Variants in ABCC12 observed in about 807,000 individuals in gnomAD.
The protein encoded by ABCC12 is ATP binding cassette subfamily C member 12, also known as ATP-binding cassette sub-family C member 12.
A neutral mutation model predicts 151.1 loss-of-function variants in ABCC12; 142 were observed. The ratio of observed to expected loss-of-function variants is 0.94; its 90% CI spans 0.82 to 1.08. The LOEUF is 1.08. ABCC12 is among the 50% of genes least tolerant of loss of function. The pLI is 0.00. For missense variants in ABCC12, 1,638 were observed against 1,691.1 expected (o/e 0.97, Z 0.55); for synonymous variants, 645 against 646.4 (o/e 1.00, Z 0.03).
chr16:48,100,892 C>G lies in ABCC12; in HGVS notation c.3018G>C (p.Lys1006Asn). 1.2e-6 allele frequency: 2 copies of G among 1,614,166 alleles called. No homozygotes were observed. Among genetic ancestry groups the G allele is most frequent in the Non-Finnish European group, 1.7e-6 (2 of 1,179,996 alleles). ...QGLGIIHAYG[K>N]KESCITYHLL... ...CTCACTAGGTGATGCAGCTCTCCTT[C>G]TTGCCATAGGCGTGAATGATGCCCA... The change falls in exon 23 of 31, where the codon AAG (lysine) becomes AAC (asparagine). Residue 1006 changes from lysine (K) to asparagine (N), a missense_variant. Lys to Asn is a moderately conservative substitution (Grantham distance 94, BLOSUM62 0). Transcript: ENST00000311303.
intron 21 of ABCC12, among the ~76,000 whole-genome samples, chr16:48,104,866 G>A (rs1403592410): frequency 6.6e-6 from 1 of 152,236 alleles, no homozygotes; most frequent in Non-Finnish European, 1.5e-5. Context: ...GGAGCAGGAG[G>A]TGCTTGCTTG....
In ABCC12 at chr16:48,088,007, A is replaced by G. The variant is rs772031255; in HGVS notation, c.3554T>C (p.Ile1185Thr). ...GAGGTCTTCCAAGCTGAGAATGCAGATATCCACCTCATCAATAAAGATTGT... is the reference window on the plus strand; with the variant it reads ...GAGGTCTTCCAAGCTGAGAATGCAGGTATCCACCTCATCAATAAAGATTGT... Reference protein sequence around the residue: ...SGTIFIDEVDICILSLEDLRT... With the variant: ...SGTIFIDEVDTCILSLEDLRT... Residue 1185 changes from isoleucine (I) to threonine (T), a missense_variant, in exon 27 of 31, where the codon ATC becomes ACC. Transcript: ENST00000311303. 9.3e-6 allele frequency: 15 copies of G among 1,614,118 alleles called. No individual in the cohort carries two copies. The highest frequency in any genetic ancestry group is 1.2e-5 in the Non-Finnish European group (14 of 1,180,040).
chr16:48,144,312 C>G (rs1048805838), intron 3 of ABCC12, among the ~76,000 whole-genome samples: 1 of 152,186 alleles, frequency 6.6e-6, no homozygotes, highest in African/African-American at 2.4e-5. Context: ...ATTAAATTAC[C>G]TAAGTTTTAA....
chr16:48,095,432 C>G (rs1963063029), intron 24 of ABCC12, among the ~76,000 whole-genome samples: 1 of 152,138 alleles, frequency 6.6e-6, no homozygotes, highest in African/African-American at 2.4e-5. Flanking sequence ...AGAACTAACA[C>G]ACTAATTAAT....
rs913919465 is a variant in ABCC12, at chr16:48,087,126, C to T, written c.3636-307G>A. Reference sequence around the variant, plus strand: ...ACACACCTGGGCCTCTCAGCAGCCCCGAGTAGCAGAGTGGGTTTGAACTGA... The same window carrying T: ...ACACACCTGGGCCTCTCAGCAGCCCTGAGTAGCAGAGTGGGTTTGAACTGA... On this transcript the variant is annotated intron_variant, in intron 27 of 30. Transcript: ENST00000311303. The T allele has an allele frequency of 3.0e-5, 9 of 304,930 alleles. 1 individual carries two copies. Among genetic ancestry groups the T allele is most frequent in the South Asian group, 1.6e-4 (3 of 19,056 alleles). 18.9% of individuals were successfully genotyped at this position (304,930 alleles called of 1,614,324 possible).
chr16:48,108,603 C>A, intron 18 of ABCC12, 74 bp from the exon 19 acceptor site: 1 of 1,122,700 alleles, frequency 8.9e-7, no homozygotes, highest in Non-Finnish European at 1.3e-6. Flanking sequence ...ACGGCCCCTC[C>A]ACAGACTCCA....
At chr16:48,126,199 A>T (rs1359760753) in intron 11 of ABCC12, among the ~76,000 whole-genome samples, 3 of 152,224 alleles carry the variant, frequency 2.0e-5, no homozygotes, top group Non-Finnish European at 4.4e-5. Context: ...GAACCGGGGC[A>T]TTAAAGAGAC....
At chr16:48,150,997 T>C (rs2150686488) in intron 2 of ABCC12, among the ~76,000 whole-genome samples, 1 of 152,266 alleles carries the variant, frequency 6.6e-6, no homozygotes. Context: ...TGTATAGCAG[T>C]ATCAGAATTG....
chr16:48,105,085 C>T (rs546028822), intron 21 of ABCC12, 54 bp downstream of exon 21: 16 of 1,604,966 alleles, frequency 1.0e-5, no homozygotes, highest in Admixed American at 5.0e-5. Flanking sequence ...GCAGGTGCTC[C>T]GTATACCTTG....
chr16:48,123,474 C>T (rs888947196), intron 12 of ABCC12, among the ~76,000 whole-genome samples: 1 of 152,100 alleles, frequency 6.6e-6, no homozygotes, highest in Non-Finnish European at 1.5e-5. Flanking sequence ...AAGACACATC[C>T]CCCCACCACC....
intron 23 of ABCC12, among the ~76,000 whole-genome samples, chr16:48,097,123 A>T (rs567775612): frequency 2.0e-5 from 3 of 152,308 alleles, no homozygotes; most frequent in Admixed American, 1.3e-4. Flanking sequence ...TGATTTGCAC[A>T]TATTTTGGGA....
intron 24 of ABCC12, among the ~76,000 whole-genome samples, chr16:48,092,391 G>A (rs1026248246): frequency 9.2e-5 from 14 of 152,280 alleles, no homozygotes; most frequent in African/African-American, 2.2e-4. Context: ...AGCACACCTC[G>A]GAACTGTCCC....
chr16:48,142,223 A>G (rs1964841217), intron 4 of ABCC12, among the ~76,000 whole-genome samples: 1 of 152,206 alleles, frequency 6.6e-6, no homozygotes, highest in Non-Finnish European at 1.5e-5. Context: ...CCAGCTTTAG[A>G]TAGAAGATGC....
intron 8 of ABCC12, among the ~76,000 whole-genome samples, chr16:48,137,610 T>C (rs557968241): frequency 8.5e-5 from 13 of 152,338 alleles, no homozygotes; most frequent in East Asian, 7.7e-4. Context: ...AAAAGTGTAA[T>C]TGTCCATCCA....
intron 12 of ABCC12, among the ~76,000 whole-genome samples, chr16:48,123,931 G>A (rs1964153312): frequency 6.6e-6 from 1 of 152,200 alleles, no homozygotes; most frequent in Non-Finnish European, 1.5e-5. Flanking sequence ...TGGGTTTAAG[G>A]ACCCATCTCT....
At chr16:48,093,673 T>G (rs539729781) in intron 24 of ABCC12, among the ~76,000 whole-genome samples, 28 of 152,300 alleles carry the variant, frequency 1.8e-4, no homozygotes, top group African/African-American at 6.3e-4. Flanking sequence ...TGGTGGGTGC[T>G]CAGGGGATAT....
chr16:48,126,266 T>C (rs2150646103), intron 11 of ABCC12, among the ~76,000 whole-genome samples: 1 of 152,306 alleles, frequency 6.6e-6, no homozygotes, highest in South Asian at 2.1e-4. Flanking sequence ...CCTATCCACT[T>C]CTTGGGGCCA....
chr16:48,102,246 C>T (rs1228827580), intron 22 of ABCC12, among the ~76,000 whole-genome samples: 4 of 152,162 alleles, frequency 2.6e-5, no homozygotes, highest in Non-Finnish European at 4.4e-5. Flanking sequence ...TCTGATTAGT[C>T]GCTTTCTGCA....
At chr16:48,104,457 G>A (rs926493613) in intron 21 of ABCC12, 89 bp from the exon 22 acceptor site, 24 of 1,232,656 alleles carry the variant, frequency 1.9e-5, no homozygotes, top group Non-Finnish European at 2.6e-5. Flanking sequence ...GTGAGCACAG[G>A]GCCTGACCTT....
Sources: gnomAD v4.1 joint callset for allele counts (sites outside exome capture counted in the v4.1 genomes callset) on GRCh38, gnomAD v4.1.1 for gene constraint, MANE v1.5 for transcripts, NCBI Gene and HGNC (gene_info 2026-07-23, HGNC 2026-07-21) for gene names.